Variants in ASIC2 observed in about 807,000 individuals in gnomAD.
ASIC2 encodes acid-sensing ion channel 2.
ASIC2 carries 25 observed loss-of-function variants against 57.3 expected under a neutral mutation model. The observed-to-expected ratio is 0.44, with a 90% CI of 0.32 to 0.61. The LOEUF is 0.61. Ranked by LOEUF, ASIC2 falls within the 20% of genes least tolerant of loss-of-function variation. ASIC2 has a pLI of 0.06. For synonymous variants in ASIC2, 319 were observed against 307.5 expected (o/e 1.04, Z -0.39); for missense variants, 641 against 738.1 (o/e 0.87, Z 1.52).
intron 1 of ASIC2, among the ~76,000 whole-genome samples, chr17:33,992,701 G>A (rs981391790): frequency 2.0e-5 from 3 of 152,124 alleles, no homozygotes; most frequent in Non-Finnish European, 2.9e-5. Context: ...CAGAGAAATC[G>A]GCAAACACTA....
chr17:33,506,378 A>T lies in ASIC2; in HGVS notation c.556-394311T>A, dbSNP rs1914260872. The stretch of plus-strand genomic sequence containing the variant: ...CAGCGAGCCAAGATCTGGCCACTGC[A>T]CTCCAGCCTGGGTGACAAAGCAGGA... On this transcript the variant is annotated intron_variant, in intron 1 of 9. Coordinates refer to the ASIC2 transcript ENST00000359872. 4.6e-5 allele frequency among the ~76,000 whole-genome samples: 7 copies of T among 150,930 alleles called. No homozygotes were observed. In the South Asian group the frequency reaches 1.5e-3, roughly 32 times the overall value.
At chr17:33,314,840 A>G (rs1018891271) in intron 1 of ASIC2, among the ~76,000 whole-genome samples, 3 of 152,184 alleles carry the variant, frequency 2.0e-5, no homozygotes, top group African/African-American at 4.8e-5. Flanking sequence ...TAGTCTTGTC[A>G]ATATAGCTTG....
chr17:34,040,575 G>C (rs1480183477), intron 1 of ASIC2, among the ~76,000 whole-genome samples: 1 of 152,190 alleles, frequency 6.6e-6, no homozygotes, highest in Non-Finnish European at 1.5e-5. Context: ...GTTAGACAGG[G>C]TAGGGTGACT....
intron 1 of ASIC2, among the ~76,000 whole-genome samples, chr17:33,243,641 G>A (rs959175311): frequency 6.6e-6 from 1 of 152,186 alleles, no homozygotes; most frequent in African/African-American, 2.4e-5. Context: ...ATACAGGAAC[G>A]ATCCCTCCGG....
intron 1 of ASIC2, among the ~76,000 whole-genome samples, chr17:33,272,594 CAT>C (rs1290835830): frequency 6.6e-6 from 1 of 152,138 alleles, no homozygotes; most frequent in Non-Finnish European, 1.5e-5. Context: ...TTGTCATCAT[CAT>C]CATCATCACC....
intron 1 of ASIC2, among the ~76,000 whole-genome samples, chr17:33,594,705 G>A (rs1270049146): frequency 6.6e-6 from 1 of 152,050 alleles, no homozygotes; most frequent in Non-Finnish European, 1.5e-5. Flanking sequence ...GCGGGCGCCT[G>A]TAGTCCCAGC....
chr17:33,026,079 G>A, intron 4 of ASIC2, 97 bp from the exon 5 acceptor site: 1 of 1,340,142 alleles, frequency 7.5e-7, no homozygotes, highest in South Asian at 1.3e-5. Flanking sequence ...GGTGCCTCCT[G>A]GCAGTTGAAG....
intron 1 of ASIC2, among the ~76,000 whole-genome samples, chr17:34,092,763 T>C (rs938984967): frequency 6.6e-6 from 1 of 152,208 alleles, no homozygotes; most frequent in Non-Finnish European, 1.5e-5. Context: ...TTAGGAAATA[T>C]AGCTGAAGCC....
intron 1 of ASIC2, among the ~76,000 whole-genome samples, chr17:33,288,734 ACACACACACACACACAC>A (rs1905296195): frequency 9.3e-6 from 1 of 107,088 alleles, no homozygotes; most frequent in Non-Finnish European, 2.0e-5. Context: ...ACACACACAC[ACACACACACACACACAC>A]ACACACACAA....
At chr17:33,065,700 A>T (rs1003739513) in intron 3 of ASIC2, among the ~76,000 whole-genome samples, 2 of 152,200 alleles carry the variant, frequency 1.3e-5, no homozygotes, top group Non-Finnish European at 2.9e-5. Context: ...TGCAAGAAGT[A>T]GAGGTAAGGG....
intron 1 of ASIC2, among the ~76,000 whole-genome samples, chr17:33,351,268 C>T (rs1908166173): frequency 1.3e-5 from 2 of 152,078 alleles, no homozygotes; most frequent in South Asian, 2.1e-4. Context: ...CTTCCAAAGG[C>T]CCCCTTTCTG....
intron 1 of ASIC2, among the ~76,000 whole-genome samples, chr17:33,560,040 AT>A (rs1916024259): frequency 6.6e-6 from 1 of 151,940 alleles, no homozygotes; most frequent in African/African-American, 2.4e-5. Context: ...CTGTACTGCC[AT>A]TTTTTTTCAA....
chr17:34,020,061 G>A (rs1445738498), intron 1 of ASIC2, among the ~76,000 whole-genome samples: 1 of 152,160 alleles, frequency 6.6e-6, no homozygotes, highest in African/African-American at 2.4e-5. Flanking sequence ...AGTGAGACTG[G>A]TCTCAGGGAT....
At position 33,242,916 on chromosome 17, in the gene ASIC2, C is replaced by T. The variant is rs148106102; in HGVS notation, c.708+48492G>A. Among the ~76,000 whole-genome samples, 755 of 152,256 alleles carry T rather than the reference C, an allele frequency of 5.0e-3. 3 individuals are homozygous for T. Among genetic ancestry groups the T allele is most frequent in the Non-Finnish European group, 8.6e-3 (587 of 68,016 alleles). On this transcript the variant is annotated intron_variant, in intron 1 of 9. Transcript: ENST00000225823. ...TTGCTGGACTGCCTGCTTGGTTTAC[C>T]TGCAAGCCACACCCTCACTCCTGCA...
At chr17:33,572,302 A>ACCCC (rs71362892) in intron 1 of ASIC2, 1 of 150,396 alleles carries the variant, frequency 6.6e-6, no homozygotes, top group African/African-American at 2.5e-5. Context: ...AAAGAAACGC[A>ACCCC]CCCCCCCCAC....
chr17:33,815,676 A>G (rs1264001331), intron 1 of ASIC2, among the ~76,000 whole-genome samples: 1 of 152,184 alleles, frequency 6.6e-6, no homozygotes, highest in Non-Finnish European at 1.5e-5. Context: ...ATGACTGGAT[A>G]CCAGCTTATT....
At chr17:33,160,844 C>A (rs1905142316) in intron 1 of ASIC2, among the ~76,000 whole-genome samples, 1 of 152,070 alleles carries the variant, frequency 6.6e-6, no homozygotes, top group Non-Finnish European at 1.5e-5. Flanking sequence ...ATGCCCTGGT[C>A]CTCCACCTCA....
intron 1 of ASIC2, among the ~76,000 whole-genome samples, chr17:33,559,992 C>A (rs1239403583): frequency 6.6e-6 from 1 of 152,096 alleles, no homozygotes; most frequent in Non-Finnish European, 1.5e-5. Flanking sequence ...ACTCAAAGGC[C>A]TCATGTGCAG....
chr17:33,580,706 C>T (rs1216523017), intron 1 of ASIC2, among the ~76,000 whole-genome samples: 1 of 152,134 alleles, frequency 6.6e-6, no homozygotes, highest in Admixed American at 6.5e-5. Flanking sequence ...CCAGGTACTT[C>T]GTCAGTGGGA....
Sources: gnomAD v4.1 joint callset for allele counts (sites outside exome capture counted in the v4.1 genomes callset) on GRCh38, gnomAD v4.1.1 for gene constraint, MANE v1.5 for transcripts, NCBI Gene and HGNC (gene_info 2026-07-23, HGNC 2026-07-21) for gene names.